SETBP1: variants seen among roughly 807,000 people sequenced by gnomAD.
The protein encoded by SETBP1 is SET-binding protein.
A neutral mutation model predicts 101.0 loss-of-function variants in SETBP1; 9 were observed. That is an observed-to-expected ratio of 0.09 (90% CI 0.05 to 0.16). The LOEUF is 0.16. Ranked by LOEUF, SETBP1 falls within the 10% of genes least tolerant of loss-of-function variation. The pLI, the probability that SETBP1 is intolerant of heterozygous loss-of-function variation, is 1.00. For synonymous variants in SETBP1, 818 were observed against 788.5 expected (o/e 1.04, Z -0.63); for missense variants, 1,858 against 2,033.8 (o/e 0.91, Z 1.66).
chr18:44,964,288 C>G (rs2071675012), intron 4 of SETBP1, among the ~76,000 whole-genome samples: 1 of 152,126 alleles, frequency 6.6e-6, no homozygotes, highest in Non-Finnish European at 1.5e-5. Flanking sequence ...CAAAGTGGCT[C>G]ACACCTGTAA....
In SETBP1 at chr18:44,997,765, A is replaced by T. The variant is rs528681611; in HGVS notation, c.4001-40720A>T. On this transcript the variant is annotated intron_variant, in intron 4 of 5. Transcript: ENST00000649279. ...TCCAAATTCCTTTGCATTAATTAGG[A>T]TCATAAGCCAATCAGCACTAATTAG... Among the ~76,000 whole-genome samples, 122 of 152,322 alleles carry T rather than the reference A, an allele frequency of 8.0e-4. 2 individuals are homozygous for T. Among genetic ancestry groups the T allele is most frequent in the Admixed American group, 5.6e-3 (86 of 15,300 alleles).
intron 2 of SETBP1, among the ~76,000 whole-genome samples, chr18:44,736,248 G>C (rs1355913416): frequency 6.6e-6 from 1 of 152,156 alleles, no homozygotes; most frequent in Non-Finnish European, 1.5e-5. Context: ...GCATGGTGGT[G>C]CACGTCTGTC....
intron 4 of SETBP1, among the ~76,000 whole-genome samples, chr18:44,954,554 G>T (rs1383777688): frequency 6.6e-6 from 1 of 152,118 alleles, no homozygotes; most frequent in African/African-American, 2.4e-5. Context: ...AAGAATTAGA[G>T]ACATTTTCTA....
At chr18:44,977,143 C>T (rs1393928229) in intron 4 of SETBP1, among the ~76,000 whole-genome samples, 1 of 152,214 alleles carries the variant, frequency 6.6e-6, no homozygotes, top group Non-Finnish European at 1.5e-5. Context: ...ACCCCCATGG[C>T]ATTGAAAAGG....
In SETBP1 at chr18:44,782,289, A is replaced by G. The variant is rs1264892336; in HGVS notation, c.486+80457A>G. Among the ~76,000 whole-genome samples the G allele has an allele frequency of 5.3e-5, 8 of 150,512 alleles. No individual in the cohort carries two copies. In the East Asian group the frequency reaches 1.6e-3, roughly 30 times the overall value. On this transcript the variant is annotated intron_variant, in intron 2 of 5. Transcript: ENST00000649279. Reference sequence around the variant, plus strand: ...CACACCCTGATAAGGATTTCCTGGTATTTACAACATGTAAAATAAACTCTT... The same window carrying G: ...CACACCCTGATAAGGATTTCCTGGTGTTTACAACATGTAAAATAAACTCTT...
intron 2 of SETBP1, among the ~76,000 whole-genome samples, chr18:44,826,174 A>G (rs1235907712): frequency 2.6e-5 from 4 of 152,222 alleles, no homozygotes; most frequent in African/African-American, 9.6e-5. Flanking sequence ...CATTGGTTCA[A>G]AATATACTTG....
chr18:44,810,045 T>C (rs575289920), intron 2 of SETBP1, among the ~76,000 whole-genome samples: 8 of 152,318 alleles, frequency 5.3e-5, no homozygotes, highest in African/African-American at 1.9e-4. Flanking sequence ...CTTGTGGATT[T>C]AATGGATTTT....
At chr18:44,908,893 G>A (rs754748838) in intron 3 of SETBP1, among the ~76,000 whole-genome samples, 2 of 152,094 alleles carry the variant, frequency 1.3e-5, no homozygotes, top group Non-Finnish European at 2.9e-5. Context: ...ATTTTATATT[G>A]TTTATCTCAT....
intron 4 of SETBP1, among the ~76,000 whole-genome samples, chr18:44,973,120 A>G (rs535796630): frequency 2.6e-5 from 4 of 152,310 alleles, no homozygotes; most frequent in Admixed American, 6.5e-5. Flanking sequence ...CCTTTTCTGC[A>G]TCTATTGAGA....
At chr18:44,779,153 C>T (rs1275035616) in intron 2 of SETBP1, among the ~76,000 whole-genome samples, 3 of 152,174 alleles carry the variant, frequency 2.0e-5, no homozygotes, top group Non-Finnish European at 2.9e-5. Context: ...AGTCACTAGA[C>T]AGGTTAGAGG....
rs149695987 is a variant in SETBP1 at position 44,952,961 on chromosome 18, G to T, written c.3621G>T (p.Lys1207Asn). The T allele has an allele frequency of 6.2e-7, 1 of 1,614,008 alleles. No individual in the cohort carries two copies. The highest frequency in any genetic ancestry group is 8.5e-7 in the Non-Finnish European group (1 of 1,180,034). The part of the protein sequence containing the change: ...LPLVSEKNKH[K>N]EKQKHQHSEA... ...TGGTGAGTGAGAAGAACAAGCATAA[G>T]GAGAAACAGAAGCACCAGCACAGCG... The change falls in exon 4 of 6, where the codon AAG (lysine) becomes AAT (asparagine). Residue 1207 changes from lysine to asparagine, a missense_variant. By Grantham distance (94) the Lys-to-Asn change is moderately conservative (BLOSUM62 0). Transcript: ENST00000649279.
intron 3 of SETBP1, among the ~76,000 whole-genome samples, chr18:44,895,109 G>A (rs2069863077): frequency 7.0e-6 from 1 of 142,738 alleles, no homozygotes; most frequent in Non-Finnish European, 1.5e-5. Context: ...GGAAAATCCT[G>A]TCTCAGAAAA....
intron 5 of SETBP1, among the ~76,000 whole-genome samples, chr18:45,055,584 G>A (rs960725827): frequency 3.9e-5 from 6 of 151,982 alleles, no homozygotes; most frequent in African/African-American, 1.2e-4. Flanking sequence ...CTTGTGATAA[G>A]TAATTTAAAG....
chr18:44,897,155 C>T (rs1011923923), intron 3 of SETBP1, among the ~76,000 whole-genome samples: 1 of 152,158 alleles, frequency 6.6e-6, no homozygotes, highest in African/African-American at 2.4e-5. Context: ...TGCTGAATCT[C>T]TCTGCTTTTA....
At chr18:45,016,356 C>T (rs1263734902) in intron 4 of SETBP1, among the ~76,000 whole-genome samples, 1 of 152,094 alleles carries the variant, frequency 6.6e-6, no homozygotes, top group Non-Finnish European at 1.5e-5. Context: ...AGCCCATGCC[C>T]TAAAGTGACA....
intron 3 of SETBP1, among the ~76,000 whole-genome samples, chr18:44,931,194 G>T (rs1238702576): frequency 1.3e-5 from 2 of 152,124 alleles, no homozygotes; most frequent in Non-Finnish European, 2.9e-5. Context: ...ATTTCATTAT[G>T]TACCCAGTAG....
intron 3 of SETBP1, among the ~76,000 whole-genome samples, chr18:44,884,137 A>G (rs1260050768): frequency 1.3e-5 from 2 of 152,198 alleles, no homozygotes; most frequent in East Asian, 1.9e-4. Flanking sequence ...GCAGTAGACT[A>G]GAGGATTTTC....
chr18:44,883,059 A>C (rs763352606), intron 3 of SETBP1, among the ~76,000 whole-genome samples: 31 of 152,318 alleles, frequency 2.0e-4, no homozygotes, highest in Non-Finnish European at 3.8e-4. Flanking sequence ...CATGTACCCA[A>C]CATCAGTAAC....
At chr18:44,751,119 A>G (rs538696071) in intron 2 of SETBP1, among the ~76,000 whole-genome samples, 1 of 152,312 alleles carries the variant, frequency 6.6e-6, no homozygotes, top group East Asian at 1.9e-4. Flanking sequence ...TGGCAAAGTA[A>G]AGTTTTTTGT....
Sources: allele counts gnomAD v4.1 joint callset (sites outside exome capture counted in the v4.1 genomes callset), GRCh38; gene constraint gnomAD v4.1.1; transcripts MANE v1.5; gene names NCBI Gene and HGNC (gene_info 2026-07-23, HGNC 2026-07-21).